Variants in ZC3H11A observed in about 807,000 individuals in gnomAD.
ZC3H11A encodes zinc finger CCCH domain-containing protein 11A.
A neutral mutation model predicts 90.8 loss-of-function variants in ZC3H11A; 22 were observed. The observed-to-expected ratio is 0.24, with a 90% CI of 0.17 to 0.35. The LOEUF is 0.35. ZC3H11A is among the 10% of genes least tolerant of loss of function. ZC3H11A has a pLI of 1.00. For missense variants in ZC3H11A, 701 were observed against 964.9 expected (o/e 0.73, Z 3.62); for synonymous variants, 294 against 339.8 (o/e 0.87, Z 1.48).
intron 2 of ZC3H11A, among the ~76,000 whole-genome samples, chr1:203,808,414 A>G (rs1673106075): frequency 6.6e-6 from 1 of 152,226 alleles, no homozygotes; most frequent in Non-Finnish European, 1.5e-5. Flanking sequence ...ATGTCTGTGT[A>G]TAGCAGAGAT....
intron 1 of ZC3H11A, chr1:203,799,178 T>C: frequency 7.6e-7 from 1 of 1,308,708 alleles, no homozygotes; most frequent in Non-Finnish European, 1.1e-6. Context: ...TGTGGCTTTC[T>C]CCAAATTTCC....
At position 203,853,046 on chromosome 1, in the gene ZC3H11A, A is replaced by G. The variant is rs1689601544; in HGVS notation, c.*647A>G. ...CAATATCTAATTTATTATTACTGTA[A>G]TTTTTTAAAAGGCTTTAAAGTGCCT... On this transcript the variant is annotated 3_prime_UTR_variant, in exon 18 of 18. Transcript: ENST00000367210. 3 of 152,270 alleles carry G rather than the reference A, an allele frequency of 2.0e-5. 1 individual carries two copies. In the South Asian group the frequency reaches 6.2e-4, roughly 32 times the overall value. The allele number at this position is 152,270 out of a possible 1,614,324, so 9.4% of individuals were successfully genotyped here. A position where few individuals can be genotyped will look rare whatever the true frequency, so the allele number is the denominator to read the frequency against.
intron 4 of ZC3H11A, among the ~76,000 whole-genome samples, chr1:203,827,556 C>A (rs1007100169): frequency 6.6e-6 from 1 of 151,888 alleles, no homozygotes; most frequent in African/African-American, 2.4e-5. Context: ...GTGGCAGGCA[C>A]CTGTAGTCCC....
intron 9 of ZC3H11A, 115 bp downstream of exon 9, chr1:203,831,886 T>C: frequency 1.3e-6 from 1 of 775,148 alleles, no homozygotes; most frequent in Non-Finnish European, 2.1e-6. Context: ...GTTAGTATGC[T>C]GATGAGATAA....
At chr1:203,818,423 C>A in intron 3 of ZC3H11A, 147 bp from the exon 4 acceptor site, 1 of 1,064,804 alleles carries the variant, frequency 9.4e-7, no homozygotes, top group Non-Finnish European at 1.3e-6. Context: ...TCGGTTTGTT[C>A]CTGTCATTCC....
intron 4 of ZC3H11A, among the ~76,000 whole-genome samples, chr1:203,823,742 C>T (rs1188756774): frequency 6.6e-6 from 1 of 152,148 alleles, no homozygotes; most frequent in Non-Finnish European, 1.5e-5. Flanking sequence ...TAGGTATTTA[C>T]CTGCAAAATA....
rs187259967 is a variant in ZC3H11A, at chr1:203,810,411, T to C, written c.-145-6515T>C. Among the ~76,000 whole-genome samples the C allele has an allele frequency of 1.1e-4, 17 of 151,354 alleles. No homozygotes were observed. The East Asian group carries it at 3.2e-3, about 28-fold the overall frequency. ...TTATTTCCTTTTTCTTGTTTTACAT[T>C]GTAGCTGTTAGGTTTTTTTTTTTTT... On this transcript the variant is annotated intron_variant, in intron 2 of 17. Transcript: ENST00000367210.
chr1:203,839,052 G>A (rs146932661), intron 11 of ZC3H11A, among the ~76,000 whole-genome samples: 2 of 152,246 alleles, frequency 1.3e-5, no homozygotes, highest in Non-Finnish European at 2.9e-5. Context: ...CTGCAATATG[G>A]AGACAGATTA....
intron 2 of ZC3H11A, among the ~76,000 whole-genome samples, chr1:203,804,245 G>A (rs896385727): frequency 1.3e-5 from 2 of 149,852 alleles, no homozygotes; most frequent in East Asian, 2.0e-4. Context: ...TCCGCCTCCC[G>A]GGTTCACGCC....
rs1196281818 is a variant in ZC3H11A at position 203,800,480 on chromosome 1, A to C, written c.-1587-1095A>C. On this transcript the variant is annotated intron_variant, in intron 1 of 17. Coordinates refer to ENST00000367210, the MANE Select transcript of ZC3H11A (RefSeq NM_001376342.1). ...TGCCTTAATTTCTTTTTCTCCATTT[A>C]AAATGGGCAACTTTTTGCTGTGTTA... The C allele has an allele frequency of 2.0e-6, 3 of 1,464,116 alleles. No homozygotes were observed. The South Asian group carries it at 4.2e-5, about 21-fold the overall frequency. The allele number at this position is 1,464,116 out of a possible 1,614,324, so 90.7% of individuals were successfully genotyped here. A position where few individuals can be genotyped will look rare whatever the true frequency, so the allele number is the denominator to read the frequency against.
At chr1:203,798,890 T>A (rs1057126321) in intron 1 of ZC3H11A, 1 of 1,536,048 alleles carries the variant, frequency 6.5e-7, no homozygotes, top group African/African-American at 1.4e-5. Context: ...TCACTAAGGC[T>A]GTACCTCAGT....
rs762035841 is a variant in ZC3H11A at position 203,830,123 on chromosome 1, G to A, written c.620G>A (p.Gly207Asp). The change falls in exon 8 of 18, where the codon GGT (glycine) becomes GAT (aspartate). Residue 207 changes from glycine to aspartate, a missense_variant and splice_region_variant. By Grantham distance (94) the Gly-to-Asp change is moderately conservative. Around this residue, in one of 4 missense-constraint regions of ZC3H11A, gnomAD observed 530 missense variants for 696.2 expected, o/e 0.76. Transcript: ENST00000367210. Reference sequence around the variant, plus strand: ...ATAAAATTTCTATTTGAATTTTCAGGTGAATGTTTGAATTTTGGAATAAAA... The same window carrying A: ...ATAAAATTTCTATTTGAATTTTCAGATGAATGTTTGAATTTTGGAATAAAA... The part of the protein sequence containing the change: ...VRKPAVNIKQ[G>D]ECLNFGIKTL... The A allele has an allele frequency of 1.3e-6, 2 of 1,589,522 alleles. No individual in the cohort carries two copies. Among genetic ancestry groups the A allele is most frequent in the Non-Finnish European group, 1.7e-6 (2 of 1,170,332 alleles).
At chr1:203,809,036 G>A (rs1231909971) in intron 2 of ZC3H11A, among the ~76,000 whole-genome samples, 2 of 151,940 alleles carry the variant, frequency 1.3e-5, no homozygotes, top group Middle Eastern at 3.4e-3. Flanking sequence ...CACCATGTTG[G>A]TCAAGCTGGT....
At chr1:203,820,912 A>G (rs1388636662) in intron 4 of ZC3H11A, among the ~76,000 whole-genome samples, 1 of 152,146 alleles carries the variant, frequency 6.6e-6, no homozygotes, top group African/African-American at 2.4e-5. Flanking sequence ...TTTTGTAATT[A>G]ATAAATATTT....
intron 2 of ZC3H11A, among the ~76,000 whole-genome samples, chr1:203,805,392 A>G (rs1386429857): frequency 6.6e-6 from 1 of 152,072 alleles, no homozygotes; most frequent in Non-Finnish European, 1.5e-5. Context: ...CAGCCTTTCA[A>G]AGTGCTGGGA....
In ZC3H11A at chr1:203,798,752, A is replaced by G; in HGVS notation, c.-1587-2823A>G. 3 of 1,536,162 alleles carry G rather than the reference A, an allele frequency of 2.0e-6. No individual in the cohort carries two copies. The highest frequency in any genetic ancestry group is 2.6e-6 in the Non-Finnish European group (3 of 1,146,916). Reference sequence around the variant, plus strand: ...GTGGAAATCCAGTCTCAAGTCACATAAGTCAGGCAATTATCCAAATGATTG... The same window carrying G: ...GTGGAAATCCAGTCTCAAGTCACATGAGTCAGGCAATTATCCAAATGATTG... On this transcript the variant is annotated intron_variant, in intron 1 of 17. Coordinates refer to ENST00000367210, the MANE Select transcript of ZC3H11A (RefSeq NM_001376342.1).
intron 1 of ZC3H11A, chr1:203,801,155 T>C (rs1025263089): frequency 3.9e-5 from 6 of 152,302 alleles, no homozygotes; most frequent in African/African-American, 1.2e-4. Context: ...TTTCAAATAA[T>C]TTATGGGTAA....
intron 1 of ZC3H11A, chr1:203,799,588 G>A: frequency 2.8e-6 from 2 of 703,080 alleles, no homozygotes; most frequent in South Asian, 3.0e-5. Context: ...ACTTATGTTT[G>A]TGATATTCTT....
chr1:203,846,071 GT>G (rs1437599150), intron 12 of ZC3H11A, among the ~76,000 whole-genome samples: 1 of 128,960 alleles, frequency 7.8e-6, no homozygotes, highest in African/African-American at 2.9e-5. Flanking sequence ...GAAGCCAGGA[GT>G]TTGGAGACCA....
Sources: allele counts gnomAD v4.1 joint callset (sites outside exome capture counted in the v4.1 genomes callset), GRCh38; gene constraint gnomAD v4.1.1; regional missense constraint gnomAD v4.1.1; transcripts MANE v1.5; gene names NCBI Gene and HGNC (gene_info 2026-07-23, HGNC 2026-07-21).